ACVR1C: variants seen among roughly 807,000 people sequenced by gnomAD.
The protein encoded by ACVR1C is activin A receptor type 1C, also known as activin receptor type-1C.
In ACVR1C, 23 loss-of-function variants were observed where a neutral mutation model predicts 57.9. That is an observed-to-expected ratio of 0.40 (90% confidence interval 0.29 to 0.56). The LOEUF (loss-of-function observed/expected upper bound fraction) is 0.56, where lower values mean the gene tolerates loss of function less well. Ranked by LOEUF, ACVR1C falls within the 20% of genes least tolerant of loss-of-function variation. The pLI is 0.50. For synonymous variants in ACVR1C, 214 were observed against 215.3 expected, an observed-to-expected ratio of 0.99 and a Z score of 0.05; for missense variants, 480 against 607.9, an observed-to-expected ratio of 0.79 and a Z score of 2.21.
chr2:157,550,289 C>T lies in ACVR1C; in HGVS notation c.648G>A (p.Gly216=), dbSNP rs773107258. ...AGAATATTTTCACAGCCACATCTTC[C>T]CCACACCATCTTCCATGCCACACCT... ...FGEVWHGRWC[G]EDVAVKIFSS... is the part of the protein sequence containing the mutation. Residue 216 remains glycine (G), a synonymous_variant, in exon 4 of 9, where the codon GGG becomes GGA. Coordinates refer to ENST00000243349, the MANE Select transcript of ACVR1C (RefSeq NM_145259.3). The T allele has an allele frequency of 6.2e-6, 10 of 1,614,106 alleles. No individual in the cohort carries two copies. Among genetic ancestry groups the T allele is most frequent in the African/African-American group, 1.3e-5 (1 of 75,012 alleles).
At chr2:157,619,730 G>A (rs1199644995) in intron 1 of ACVR1C, among the ~76,000 whole-genome samples, 1 of 151,920 alleles carries the variant, frequency 6.6e-6, no homozygotes, top group Non-Finnish European at 1.5e-5. Flanking sequence ...CCTAAAGAAA[G>A]CGGATGAAGA....
chr2:157,544,683 C>G (rs899022810), intron 4 of ACVR1C, 71 bp from the exon 5 acceptor site: 4 of 1,349,350 alleles, frequency 3.0e-6, no homozygotes, highest in Non-Finnish European at 4.1e-6. Context: ...TTAAAAATAT[C>G]AGTGTTTAAT....
intron 1 of ACVR1C, among the ~76,000 whole-genome samples, 188 bp downstream of exon 1, chr2:157,628,384 C>T (rs1682951269): frequency 1.3e-5 from 2 of 152,210 alleles, no homozygotes; most frequent in African/African-American, 4.8e-5. Flanking sequence ...TCTACCCCTA[C>T]GGCTGCCAGA....
intron 1 of ACVR1C, among the ~76,000 whole-genome samples, chr2:157,599,263 G>A (rs756012486): frequency 6.2e-5 from 9 of 144,556 alleles, no homozygotes; most frequent in East Asian, 4.2e-4. Flanking sequence ...GAACCCGAGA[G>A]GGGGAGCTCG....
chr2:157,580,735 CT>C (rs1216019935), intron 2 of ACVR1C, among the ~76,000 whole-genome samples: 3 of 152,014 alleles, frequency 2.0e-5, no homozygotes, highest in Non-Finnish European at 4.4e-5. Context: ...TCTGCCAGCT[CT>C]TGGTGGTGAA....
chr2:157,626,076 T>A (rs1318115541), intron 1 of ACVR1C, among the ~76,000 whole-genome samples: 1 of 152,202 alleles, frequency 6.6e-6, no homozygotes, highest in Non-Finnish European at 1.5e-5. Context: ...CAAGCAATTC[T>A]GTCTCAGCCT....
At chr2:157,590,891 C>T (rs1689043392) in intron 1 of ACVR1C, among the ~76,000 whole-genome samples, 1 of 151,888 alleles carries the variant, frequency 6.6e-6, no homozygotes, top group Non-Finnish European at 1.5e-5. Context: ...ATTACTTTGT[C>T]TCCTGTACCT....
rs1330939534 is a variant in ACVR1C at position 157,550,215 on chromosome 2, G to A, written c.722C>T (p.Thr241Met). 8.7e-6 allele frequency: 14 copies of A among 1,613,916 alleles called. No homozygotes were observed. Among genetic ancestry groups the A allele is most frequent in the East Asian group, 2.2e-5 (1 of 44,888 alleles). ...GATGTTTTCATGTCGCAGCATGACC[G>A]TCTGGTAAATTTCTGCCTCACGAAA... is the stretch of plus-strand genomic sequence containing the variant. ...SWFREAEIYQ[T>M]VMLRHENILG... is the part of the protein sequence containing the mutation. Residue 241 changes from threonine to methionine, a missense_variant, in exon 4 of 9, where the codon ACG becomes ATG. Transcript: ENST00000243349.
At chr2:157,622,542 C>T (rs1682804297) in intron 1 of ACVR1C, among the ~76,000 whole-genome samples, 2 of 152,090 alleles carry the variant, frequency 1.3e-5, no homozygotes, top group African/African-American at 4.8e-5. Context: ...ATAAATGGTC[C>T]TGGGAAAACT....
chr2:157,576,721 T>C (rs1184990972), intron 2 of ACVR1C, among the ~76,000 whole-genome samples: 1 of 152,128 alleles, frequency 6.6e-6, no homozygotes, highest in Non-Finnish European at 1.5e-5. Context: ...ATCAAATTTA[T>C]GCATAAAATG....
At chr2:157,535,058 T>C (rs1482302207) in intron 8 of ACVR1C, among the ~76,000 whole-genome samples, 2 of 150,052 alleles carry the variant, frequency 1.3e-5, no homozygotes. Context: ...GGTGAGAGGA[T>C]TGCTTAGGCC....
rs1390179400 is a variant in ACVR1C at position 157,533,343 on chromosome 2, AGGGGAGACCAAGCACAT to A, written c.*558_*574del. The A allele has an allele frequency of 1.3e-5, 2 of 152,460 alleles. No homozygotes were observed. The highest frequency in any genetic ancestry group is 4.8e-5 in the African/African-American group (2 of 41,450). The allele number at this position is 152,460 out of a possible 1,614,324, so 9.4% of individuals were successfully genotyped here. On this transcript the variant is annotated 3_prime_UTR_variant, in exon 9 of 9. Coordinates refer to ENST00000243349, the MANE Select transcript of ACVR1C (RefSeq NM_145259.3). The stretch of plus-strand genomic sequence containing the variant: ...TTATGAAGAACAGGAGAACAGCAGA[AGGGGAGACCAAGCACAT>A]GGGACACCCACCTCACTTACATCTT...
At position 157,532,390 on chromosome 2, in the gene ACVR1C, T is replaced by TA. The variant is rs1687376052; in HGVS notation, c.*1527dup. ...TGTTATTAGTTTTTTTTTTTTTTTT[T>TA]ACTGTTATCAATAGCATTTACTTCA... On this transcript the variant is annotated 3_prime_UTR_variant, in exon 9 of 9. Coordinates refer to ENST00000243349, the MANE Select transcript of ACVR1C (RefSeq NM_145259.3). 1 of 151,308 alleles carries TA rather than the reference T, an allele frequency of 6.6e-6. No homozygotes were observed. Among genetic ancestry groups the TA allele is most frequent in the Non-Finnish European group, 1.5e-5 (1 of 67,784 alleles). 9.4% of individuals were successfully genotyped at this position (151,308 alleles called of 1,614,324 possible). A position where few individuals can be genotyped will look rare whatever the true frequency, so the allele number is the denominator to read the frequency against.
At chr2:157,535,637 G>A (rs1036014069) in intron 8 of ACVR1C, among the ~76,000 whole-genome samples, 2 of 152,112 alleles carry the variant, frequency 1.3e-5, no homozygotes, top group African/African-American at 4.8e-5. Flanking sequence ...AGACCAGCCT[G>A]GCCAACATAG....
rs930096484 is a variant in ACVR1C at position 157,531,383 on chromosome 2, G to GA, written c.*2534dup. On this transcript the variant is annotated 3_prime_UTR_variant, in exon 9 of 9. Coordinates refer to ENST00000243349, the MANE Select transcript of ACVR1C (RefSeq NM_145259.3). ...TCATAGTTAAACAACACAAGAACAAGAAAAATACCTCAAAATGTACTAACA... is the reference window on the plus strand; with the variant it reads ...TCATAGTTAAACAACACAAGAACAAGAAAAAATACCTCAAAATGTACTAACA... 1.3e-5 allele frequency: 2 copies of GA among 151,900 alleles called. No individual in the cohort carries two copies. Among genetic ancestry groups the GA allele is most frequent in the African/African-American group, 4.8e-5 (2 of 41,396 alleles). 9.4% of individuals were successfully genotyped at this position (151,900 alleles called of 1,614,324 possible).
At chr2:157,572,528 C>T (rs1040035571) in intron 2 of ACVR1C, among the ~76,000 whole-genome samples, 6 of 152,130 alleles carry the variant, frequency 3.9e-5, no homozygotes, top group South Asian at 4.2e-4. Flanking sequence ...ATGTCCTATA[C>T]GTAATAATCA....
At chr2:157,555,010 AAAAAAT>A (rs772825211) in intron 3 of ACVR1C, among the ~76,000 whole-genome samples, 10 of 151,900 alleles carry the variant, frequency 6.6e-5, no homozygotes, top group African/African-American at 1.7e-4. Context: ...ATAAAAAAAT[AAAAAAT>A]AAAAATAAAA....
intron 3 of ACVR1C, among the ~76,000 whole-genome samples, chr2:157,555,465 G>C (rs930954079): frequency 6.6e-6 from 1 of 152,198 alleles, no homozygotes; most frequent in Non-Finnish European, 1.5e-5. Flanking sequence ...CATTAAAGAG[G>C]AAGACAGTCA....
intron 1 of ACVR1C, among the ~76,000 whole-genome samples, chr2:157,598,753 G>C (rs1419040391): frequency 6.6e-6 from 1 of 151,938 alleles, no homozygotes; most frequent in Non-Finnish European, 1.5e-5. Flanking sequence ...TGGCCAGGCT[G>C]GTCTTGAACT....
Sources: allele counts gnomAD v4.1 joint callset (sites outside exome capture counted in the v4.1 genomes callset), GRCh38; gene constraint gnomAD v4.1.1; transcripts MANE v1.5; gene names NCBI Gene and HGNC (gene_info 2026-07-23, HGNC 2026-07-21).